DPP6: variants seen among roughly 807,000 people sequenced by gnomAD.
DPP6 encodes the protein dipeptidyl peptidase like 6, also known as A-type potassium channel modulatory protein DPP6.
DPP6 carries 69 observed loss-of-function variants against 122.6 expected under a neutral mutation model. That is an observed-to-expected ratio of 0.56 (90% CI 0.46 to 0.69). The LOEUF (loss-of-function observed/expected upper bound fraction) is 0.69, where lower values mean the gene tolerates loss of function less well. Ranked by LOEUF, DPP6 falls within the 30% of genes least tolerant of loss-of-function variation. The pLI is 0.00. For synonymous variants in DPP6, 418 were observed against 433.1 expected (o/e 0.97, Z 0.43); for missense variants, 928 against 1,116.9 (o/e 0.83, Z 2.41).
intron 1 of DPP6, among the ~76,000 whole-genome samples, chr7:154,140,809 T>C (rs961230853): frequency 2.6e-5 from 4 of 152,198 alleles, no homozygotes; most frequent in African/African-American, 9.7e-5. Context: ...CCTCAAAACC[T>C]TTTTGGAAGT....
Position 154,333,013 on chromosome 7 carries a change from A to G in DPP6, c.244-113201A>G, listed in dbSNP as rs1364499462. Among the ~76,000 whole-genome samples, 7 of 152,136 alleles carry G rather than the reference A, an allele frequency of 4.6e-5. No homozygotes were observed. The South Asian group carries it at 1.4e-3, about 32-fold the overall frequency. ...GGAACAGCTGCTGTGTTCCTGTAGG[A>G]GGAAATGCCTGTGATGGAGGCTTCT... On this transcript the variant is annotated intron_variant, in intron 1 of 25. Coordinates refer to ENST00000377770, the MANE Select transcript of DPP6 (RefSeq NM_130797.4).
At chr7:154,789,784 G>A (rs371297037) in intron 10 of DPP6, among the ~76,000 whole-genome samples, 6 of 152,230 alleles carry the variant, frequency 3.9e-5, no homozygotes, top group Non-Finnish European at 7.3e-5. Context: ...TGTCCAAAGC[G>A]TCGCTGCCTC....
intron 1 of DPP6, among the ~76,000 whole-genome samples, chr7:153,957,116 A>T (rs533159718): frequency 1.3e-5 from 2 of 152,196 alleles, no homozygotes; most frequent in African/African-American, 4.8e-5. Flanking sequence ...GTGATGTTCT[A>T]TCAGAGAGAC....
chr7:154,518,388 G>T (rs1484764264), intron 3 of DPP6, among the ~76,000 whole-genome samples: 2 of 152,144 alleles, frequency 1.3e-5, no homozygotes, highest in African/African-American at 4.8e-5. Flanking sequence ...TCAGGATTTT[G>T]AATTTTTAAA....
At chr7:154,609,784 T>C (rs542670166) in intron 5 of DPP6, among the ~76,000 whole-genome samples, 2 of 152,350 alleles carry the variant, frequency 1.3e-5, no homozygotes, top group East Asian at 3.9e-4. Flanking sequence ...CCCAAGTTAT[T>C]TCTACTTTAC....
intron 1 of DPP6, among the ~76,000 whole-genome samples, chr7:154,160,710 A>G (rs1796936783): frequency 6.6e-6 from 1 of 152,298 alleles, no homozygotes; most frequent in East Asian, 1.9e-4. Flanking sequence ...TGGTGTTTCT[A>G]ATATGTACAT....
chr7:154,152,802 A>T (rs566402567), intron 1 of DPP6, among the ~76,000 whole-genome samples: 1 of 152,382 alleles, frequency 6.6e-6, no homozygotes, highest in African/African-American at 2.4e-5. Flanking sequence ...CAAGAAATCC[A>T]GTAAGCAGCA....
intron 3 of DPP6, 116 bp from the exon 4 acceptor site, chr7:154,540,416 G>A: frequency 4.3e-6 from 3 of 699,780 alleles, no homozygotes; most frequent in Non-Finnish European, 7.6e-6. Flanking sequence ...CGTTTGATGA[G>A]TGGGAGCCTA....
intron 2 of DPP6, among the ~76,000 whole-genome samples, chr7:154,464,627 A>G (rs1821627918): frequency 6.6e-6 from 1 of 152,230 alleles, no homozygotes; most frequent in African/African-American, 2.4e-5. Context: ...GTGTAACTGA[A>G]CAACTTTTCT....
chr7:154,613,942 A>G (rs1200312249), intron 5 of DPP6, among the ~76,000 whole-genome samples: 1 of 152,206 alleles, frequency 6.6e-6, no homozygotes, highest in African/African-American at 2.4e-5. Flanking sequence ...CTCCAGATGG[A>G]GAGGATTTGG....
intron 1 of DPP6, among the ~76,000 whole-genome samples, chr7:154,165,941 T>C (rs1797226244): frequency 6.6e-6 from 1 of 152,192 alleles, no homozygotes; most frequent in African/African-American, 2.4e-5. Context: ...CATAAAACAC[T>C]CAGTTTAAAA....
chr7:154,835,867 T>C (rs891921000), intron 16 of DPP6, among the ~76,000 whole-genome samples: 1 of 152,098 alleles, frequency 6.6e-6, no homozygotes, highest in Admixed American at 6.5e-5. Context: ...CAGCTGGGGG[T>C]GTCTCAGAAT....
chr7:154,525,260 C>CA (rs1372953333), intron 3 of DPP6, among the ~76,000 whole-genome samples: 1 of 152,214 alleles, frequency 6.6e-6, no homozygotes, highest in Non-Finnish European at 1.5e-5. Context: ...CCTTCCACTT[C>CA]AGCCTCTTGA....
intron 5 of DPP6, among the ~76,000 whole-genome samples, chr7:154,581,056 A>G (rs1402927145): frequency 2.0e-5 from 3 of 151,842 alleles, no homozygotes; most frequent in African/African-American, 7.3e-5. Context: ...CCCTGCATTC[A>G]TTTCTTGGAA....
In DPP6 at chr7:154,804,942, C is replaced by T; in HGVS notation, c.1525C>T (p.Pro509Ser). 6.2e-7 allele frequency: 1 copy of T among 1,602,138 alleles called. No individual in the cohort carries two copies. The highest frequency in any genetic ancestry group is 8.5e-7 in the Non-Finnish European group (1 of 1,174,164). The change falls in exon 15 of 26, where the codon CCT (proline) becomes TCT (serine). Residue 509 changes from proline to serine, a missense_variant. Coordinates refer to ENST00000377770, the MANE Select transcript of DPP6 (RefSeq NM_130797.4). ...CTACTTCCTGAGCACGGAGGACCTG[C>T]CTCGGAGACGACAACTCTACAGGTA... Reference protein sequence around the residue: ...KIYFLSTEDLPRRRQLYSANT... With the variant: ...KIYFLSTEDLSRRRQLYSANT...
rs1799761640 is a variant in DPP6 at position 154,821,601 on chromosome 7, G to A, written c.1666+14489G>A. The stretch of plus-strand genomic sequence containing the variant: ...TCAGTTTTCAAATGAAATGTTAAGT[G>A]AATATATATATATATATTTTTTTTC... On this transcript the variant is annotated intron_variant, in intron 16 of 25. Transcript: ENST00000377770. The surrounding 1 kb of genome is among the most constrained non-coding windows in gnomAD (Gnocchi z 4.2). Among the ~76,000 whole-genome samples the A allele has an allele frequency of 1.2e-5, 1 of 85,988 alleles. No homozygotes were observed. The highest frequency in any genetic ancestry group is 2.4e-5 in the Non-Finnish European group (1 of 41,822). The allele number at this position is 85,988 out of a possible 152,430, so 56.4% of individuals were successfully genotyped here.
rs534036563 is a variant in DPP6, at chr7:153,972,246, T to A, written c.51+84512T>A. Among the ~76,000 whole-genome samples the A allele has an allele frequency of 6.7e-5, 10 of 150,318 alleles. No individual in the cohort carries two copies. In the South Asian group the frequency reaches 1.3e-3, roughly 19 times the overall value. On this transcript the variant is annotated intron_variant, in intron 1 of 25. Coordinates refer to the DPP6 transcript ENST00000404039. Reference sequence around the variant, plus strand: ...GAAATGGCAAGCCCTAGGTAGCGCATGAGGCTGGGACCACCATTCTGGGGT... The same window carrying A: ...GAAATGGCAAGCCCTAGGTAGCGCAAGAGGCTGGGACCACCATTCTGGGGT...
exon 1 of DPP6, chr7:153,887,165 C>G (rs890289483): frequency 6.6e-6 from 1 of 152,562 alleles, no homozygotes; most frequent in Non-Finnish European, 1.5e-5. Flanking sequence ...GCCGCCCGGC[C>G]GGGTCCCTGC....
At chr7:154,638,429 G>C (rs1022223515) in intron 6 of DPP6, among the ~76,000 whole-genome samples, 1 of 152,196 alleles carries the variant, frequency 6.6e-6, no homozygotes, top group Non-Finnish European at 1.5e-5. Flanking sequence ...GGGGGTTTCA[G>C]CGGCGTGTTG....
Sources: allele counts gnomAD v4.1 joint callset (sites outside exome capture counted in the v4.1 genomes callset), GRCh38; gene constraint gnomAD v4.1.1; non-coding constraint Gnocchi (gnomAD v3.1); transcripts MANE v1.5; gene names NCBI Gene and HGNC (gene_info 2026-07-23, HGNC 2026-07-21).